Variants in NEDD4L observed in about 807,000 individuals in gnomAD.
NEDD4L encodes NEDD4 like E3 ubiquitin protein ligase.
In NEDD4L, 54 loss-of-function variants were observed where a neutral mutation model predicts 148.9. That is an observed-to-expected ratio of 0.36 (90% CI 0.29 to 0.45). The LOEUF (loss-of-function observed/expected upper bound fraction) is 0.45, where lower values mean the gene tolerates loss of function less well. NEDD4L is among the 20% of genes least tolerant of loss of function. The pLI is 1.00. For synonymous variants in NEDD4L, 433 were observed against 440.7 expected (o/e 0.98, Z 0.22); for missense variants, 856 against 1,233.8 (o/e 0.69, Z 4.59).
chr18:58,370,042 G>A (rs1258271937), intron 22 of NEDD4L, among the ~76,000 whole-genome samples: 1 of 152,196 alleles, frequency 6.6e-6, no homozygotes, highest in Non-Finnish European at 1.5e-5. Context: ...TACCCGCCCT[G>A]GCAAACGGCT....
At chr18:58,257,854 C>G (rs1299584901) in intron 5 of NEDD4L, among the ~76,000 whole-genome samples, 2 of 152,144 alleles carry the variant, frequency 1.3e-5, no homozygotes, top group African/African-American at 4.8e-5. Context: ...GATATTTTTT[C>G]TCCTGAATTT....
chr18:58,107,609 C>A (rs2085143130), intron 1 of NEDD4L, among the ~76,000 whole-genome samples: 1 of 152,056 alleles, frequency 6.6e-6, no homozygotes, highest in African/African-American at 2.4e-5. Flanking sequence ...GGCCCAGCTC[C>A]TCTGGAGGCT....
At chr18:58,215,149 T>A (rs891686389) in intron 2 of NEDD4L, among the ~76,000 whole-genome samples, 2 of 152,156 alleles carry the variant, frequency 1.3e-5, no homozygotes, top group South Asian at 4.1e-4. Context: ...AGGGTTTCTG[T>A]AGTTAAGTTC....
intron 1 of NEDD4L, chr18:58,045,084 T>G: frequency 2.5e-6 from 1 of 404,060 alleles, no homozygotes. Flanking sequence ...CGGGAGTCCA[T>G]GATGCATGTC....
chr18:58,351,127 C>A, intron 18 of NEDD4L, 82 bp downstream of exon 18: 1 of 1,541,276 alleles, frequency 6.5e-7, no homozygotes, highest in South Asian at 1.2e-5. Flanking sequence ...AAAGCTTTGT[C>A]ATTTTACTCT....
chr18:58,218,286 C>A (rs1363586974), intron 2 of NEDD4L, among the ~76,000 whole-genome samples: 1 of 152,154 alleles, frequency 6.6e-6, no homozygotes, highest in Non-Finnish European at 1.5e-5. Flanking sequence ...GTGTAGTCAA[C>A]AGTATTGAGC....
At chr18:58,290,417 T>G (rs2054556586) in intron 5 of NEDD4L, among the ~76,000 whole-genome samples, 1 of 152,270 alleles carries the variant, frequency 6.6e-6, no homozygotes, top group South Asian at 2.1e-4. Flanking sequence ...GATGATACTA[T>G]CTGTCATTTG....
intron 5 of NEDD4L, among the ~76,000 whole-genome samples, chr18:58,269,994 A>T (rs148058137): frequency 2.4e-4 from 37 of 152,354 alleles, no homozygotes; most frequent in African/African-American, 7.2e-4. Context: ...AAATGAAAGG[A>T]TTAATTTTCT....
chr18:58,356,899 G>T (rs190511831), intron 18 of NEDD4L, among the ~76,000 whole-genome samples: 138 of 152,110 alleles, frequency 9.1e-4, no homozygotes, highest in African/African-American at 3.3e-3. Flanking sequence ...AAAAGAACAG[G>T]GGTTTATAAT....
At chr18:58,290,598 T>C (rs574315297) in intron 5 of NEDD4L, among the ~76,000 whole-genome samples, 16 of 152,294 alleles carry the variant, frequency 1.1e-4, no homozygotes, top group African/African-American at 3.6e-4. Context: ...AGTGATATTA[T>C]TAGAAATGAT....
intron 5 of NEDD4L, among the ~76,000 whole-genome samples, chr18:58,257,518 G>A (rs553119454): frequency 3.3e-5 from 5 of 152,228 alleles, no homozygotes; most frequent in African/African-American, 1.2e-4. Context: ...CAGATGGCGT[G>A]GCGTGCAATT....
At chr18:58,345,595 A>G (rs1158294508) in intron 16 of NEDD4L, among the ~76,000 whole-genome samples, 1 of 152,224 alleles carries the variant, frequency 6.6e-6, no homozygotes, top group African/African-American at 2.4e-5. Flanking sequence ...CCTGAAAAGT[A>G]TCAGGACATT....
chr18:58,175,834 A>G (rs961772296), intron 2 of NEDD4L, among the ~76,000 whole-genome samples: 1 of 152,126 alleles, frequency 6.6e-6, no homozygotes, highest in Non-Finnish European at 1.5e-5. Context: ...TTTACCTCCT[A>G]GTCTTTAAGT....
intron 1 of NEDD4L, among the ~76,000 whole-genome samples, chr18:58,130,142 G>A (rs548568799): frequency 5.6e-4 from 83 of 147,664 alleles, no homozygotes; most frequent in African/African-American, 2.0e-3. Context: ...AACTGTGGCT[G>A]TGTTGGGCTC....
At chr18:58,205,492 G>GTT (rs2041888767) in intron 2 of NEDD4L, among the ~76,000 whole-genome samples, 3 of 151,374 alleles carry the variant, frequency 2.0e-5, no homozygotes, top group Non-Finnish European at 2.9e-5. Flanking sequence ...AGAGGGGTGT[G>GTT]TGTGTATGTG....
chr18:58,264,268 A>T (rs76645296), intron 5 of NEDD4L, among the ~76,000 whole-genome samples: 1 of 152,078 alleles, frequency 6.6e-6, no homozygotes, highest in Admixed American at 6.5e-5. Context: ...CAGCAATGCT[A>T]AGGACACAGT....
chr18:58,300,749 G>A (rs1330792969), intron 5 of NEDD4L, among the ~76,000 whole-genome samples: 1 of 152,208 alleles, frequency 6.6e-6, no homozygotes, highest in Non-Finnish European at 1.5e-5. Context: ...TAGGTGCAAG[G>A]GGTTCCAGGA....
intron 5 of NEDD4L, among the ~76,000 whole-genome samples, chr18:58,268,589 A>G (rs550090849): frequency 1.3e-5 from 2 of 152,212 alleles, no homozygotes; most frequent in Non-Finnish European, 2.9e-5. Context: ...GCAGATAGAC[A>G]CAATCTTAGT....
rs145304202 is a variant in NEDD4L at position 58,252,875 on chromosome 18, G to A, written c.297+821G>A. The stretch of plus-strand genomic sequence containing the variant: ...AGGCATGAGCCACCATGCCTGGCCA[G>A]ATTTCATTTTAGAAATGGAATTTTT... On this transcript the variant is annotated intron_variant, in intron 5 of 30. Coordinates refer to ENST00000400345, the MANE Select transcript of NEDD4L (RefSeq NM_001144967.3). Among the ~76,000 whole-genome samples the A allele has an allele frequency of 1.0e-3, 159 of 152,250 alleles. 5 individuals carry two copies. The highest frequency in any genetic ancestry group is 6.8e-3 in the Middle Eastern group (2 of 294).
Sources: allele counts gnomAD v4.1 joint callset (sites outside exome capture counted in the v4.1 genomes callset), GRCh38; gene constraint gnomAD v4.1.1; transcripts MANE v1.5; gene names NCBI Gene and HGNC (gene_info 2026-07-23, HGNC 2026-07-21).